Variants in INCENP observed in about 807,000 individuals in gnomAD.
INCENP encodes binds and activates aurora-B and -C in vivo and in vitro.
In INCENP, 43 loss-of-function variants were observed where a neutral mutation model predicts 107.3. The observed-to-expected ratio is 0.40, with a 90% CI of 0.31 to 0.52. The LOEUF is 0.52. Ranked by LOEUF, INCENP falls within the 20% of genes least tolerant of loss-of-function variation. The probability of loss-of-function intolerance (pLI) is 0.53; values close to 1 mark genes in which losing one functional copy is unlikely to be tolerated. For missense variants in INCENP, 1,089 were observed against 1,250.9 expected (o/e 0.87, Z 1.95); for synonymous variants, 488 against 494.4 (o/e 0.99, Z 0.17).
rs1565101321 is a variant in INCENP, at chr11:62,146,707, A to G, written c.2009A>G (p.Glu670Gly). 1 of 1,550,678 alleles carries G rather than the reference A, an allele frequency of 6.4e-7. No homozygotes were observed. The highest frequency in any genetic ancestry group is 8.7e-7 in the Non-Finnish European group (1 of 1,146,834). Residue 670 changes from glutamate to glycine, a missense_variant, in exon 15 of 19, where the codon GAG becomes GGG. Glu to Gly is a moderately conservative substitution (Grantham distance 98, BLOSUM62 -2). Transcript: ENST00000394818. ...HQELLQKKKEEEQERLRKAAE... is the reference protein window; with the variant it reads ...HQELLQKKKEGEQERLRKAAE... ...GAGCTGCTGCAGAAGAAGAAGGAAG[A>G]GGAGCAGGAGCGGCTGCGGAAGGCG...
chr11:62,146,848 G>A lies in INCENP; in HGVS notation c.2150G>A (p.Arg717Gln), dbSNP rs762713303. ...RREQERREQE[R>Q]QLAEQERRRE... ...GAGCAGGAGCGGCGCGAGCAGGAGC[G>A]ACAGCTGGCAGAGCAGGAGCGTCGG... The change falls in exon 15 of 19, where the codon CGA becomes CAA. Residue 717 changes from arginine to glutamine, a missense_variant. Transcript: ENST00000394818. The A allele has an allele frequency of 3.1e-5, 48 of 1,573,044 alleles. 1 individual carries two copies. Among genetic ancestry groups the A allele is most frequent in the Admixed American group, 5.5e-5 (3 of 54,324 alleles).
In INCENP at chr11:62,152,644, C is replaced by T. The variant is rs12793280; in HGVS notation, c.*668C>T. ...CCTGGGTCTTGACACGGCCCTGCCA[C>T]TTAGTCCCCTACCCTCTCCATTCCC... is the stretch of plus-strand genomic sequence containing the variant. On this transcript the variant is annotated 3_prime_UTR_variant, in exon 19 of 19. Coordinates refer to ENST00000394818, the MANE Select transcript of INCENP (RefSeq NM_001040694.2). 6.5e-6 allele frequency: 1 copy of T among 152,926 alleles called. No individual in the cohort carries two copies. The highest frequency in any genetic ancestry group is 1.5e-5 in the Non-Finnish European group (1 of 68,568). 9.5% of individuals were successfully genotyped at this position (152,926 alleles called of 1,614,324 possible).
At chr11:62,128,714 G>T in intron 2 of INCENP, 56 bp from the exon 3 acceptor site, 1 of 1,230,078 alleles carries the variant, frequency 8.1e-7, no homozygotes, top group South Asian at 1.2e-5. Context: ...CTGGGTGGGA[G>T]AGGGGACCAG....
intron 17 of INCENP, 41 bp from the exon 18 acceptor site, chr11:62,150,016 A>G: frequency 6.2e-7 from 1 of 1,601,898 alleles, no homozygotes; most frequent in Non-Finnish European, 8.5e-7. Flanking sequence ...GAGAGATGGG[A>G]ATGCCATGGA....
intron 14 of INCENP, among the ~76,000 whole-genome samples, chr11:62,146,366 G>T (rs11230929): frequency 0.47 from 70,796 of 152,150 alleles, 19,204 homozygotes; most frequent in Middle Eastern, 0.68. Context: ...TATAGACGAG[G>T]AAACAGGCCA....
At chr11:62,144,512 A>C (rs1944194920) in intron 11 of INCENP, among the ~76,000 whole-genome samples, 1 of 152,162 alleles carries the variant, frequency 6.6e-6, no homozygotes, top group African/African-American at 2.4e-5. Flanking sequence ...ATATGTATAC[A>C]TATAGTATGG....
At chr11:62,134,121 G>T (rs1442034726) in intron 4 of INCENP, among the ~76,000 whole-genome samples, 1 of 152,246 alleles carries the variant, frequency 6.6e-6, no homozygotes, top group Admixed American at 6.5e-5. Context: ...CATAAAGCTA[G>T]CAGCTGTGGT....
chr11:62,152,053 C>CA lies in INCENP; in HGVS notation c.*77_*78insA. 1.8e-6 allele frequency: 2 copies of CA among 1,119,204 alleles called. No individual in the cohort carries two copies. Among genetic ancestry groups the CA allele is most frequent in the Non-Finnish European group, 2.6e-6 (2 of 775,804 alleles). The allele number at this position is 1,119,204 out of a possible 1,614,324, so 69.3% of individuals were successfully genotyped here. A position where few individuals can be genotyped will look rare whatever the true frequency, so the allele number is the denominator to read the frequency against. ...TCTGTCTGTCGGTCTCTGTCTTGGT[C>CA]TGTTGCCCTCCTTCTTGGCATGCCA... On this transcript the variant is annotated 3_prime_UTR_variant, in exon 19 of 19. Coordinates refer to ENST00000394818, the MANE Select transcript of INCENP (RefSeq NM_001040694.2).
In INCENP at chr11:62,146,730, G is replaced by A. The variant is rs1359371348; in HGVS notation, c.2032G>A (p.Ala678Thr). 3 of 1,549,996 alleles carry A rather than the reference G, an allele frequency of 1.9e-6. No individual in the cohort carries two copies. Among genetic ancestry groups the A allele is most frequent in the Non-Finnish European group, 2.6e-6 (3 of 1,146,720 alleles). Reference protein sequence around the residue: ...KEEEQERLRKAAEAKRLAEQR... With the variant: ...KEEEQERLRKTAEAKRLAEQR... ...AGAGGAGCAGGAGCGGCTGCGGAAGGCGGCCGAGGCTAAGCGGCTGGCAGA... is the reference window on the plus strand; with the variant it reads ...AGAGGAGCAGGAGCGGCTGCGGAAGACGGCCGAGGCTAAGCGGCTGGCAGA... Residue 678 changes from alanine (A) to threonine (T), a missense_variant, in exon 15 of 19, where the codon GCG (alanine) becomes ACG (threonine). Transcript: ENST00000394818.
intron 4 of INCENP, among the ~76,000 whole-genome samples, chr11:62,133,503 T>G (rs570638418): frequency 1.5e-4 from 23 of 152,266 alleles, no homozygotes; most frequent in African/African-American, 5.5e-4. Context: ...GCCTCAGGAC[T>G]CCACCTTGGG....
chr11:62,130,408 C>G lies in INCENP; in HGVS notation c.881C>G (p.Thr294Arg), dbSNP rs77778825. 2 of 1,613,582 alleles carry G rather than the reference C, an allele frequency of 1.2e-6. No homozygotes were observed. The highest frequency in any genetic ancestry group is 2.2e-5 in the South Asian group (2 of 91,086). The change falls in exon 4 of 19, where the codon ACG becomes AGG. Residue 294 changes from threonine to arginine, a missense_variant. Transcript: ENST00000394818. ...PILPDNFSTP[T>R]GSRTDSQSVR... Reference sequence around the variant, plus strand: ...CTGCCGGATAACTTCTCCACGCCCACGGGCTCTCGCACGGACTCTCAATCG... The same window carrying G: ...CTGCCGGATAACTTCTCCACGCCCAGGGGCTCTCGCACGGACTCTCAATCG...
At position 62,153,016 on chromosome 11, in the gene INCENP, C is replaced by T. The variant is rs1944408364; in HGVS notation, c.*1040C>T. 6.6e-6 allele frequency: 1 copy of T among 152,202 alleles called. No individual in the cohort carries two copies. The highest frequency in any genetic ancestry group is 1.5e-5 in the Non-Finnish European group (1 of 68,046). 9.4% of individuals were successfully genotyped at this position (152,202 alleles called of 1,614,324 possible). The stretch of plus-strand genomic sequence containing the variant: ...CACAAGCAATGGAAATGCCCATTTC[C>T]ATTGTTGTCTCCAGTTGCTCTGCTC... On this transcript the variant is annotated 3_prime_UTR_variant, in exon 19 of 19. Transcript: ENST00000394818.
At chr11:62,141,281 A>T (rs1054601191) in intron 10 of INCENP, among the ~76,000 whole-genome samples, 1 of 152,188 alleles carries the variant, frequency 6.6e-6, no homozygotes, top group African/African-American at 2.4e-5. Context: ...GGCCGGCTCA[A>T]TGTGAGCCCT....
At chr11:62,132,557 G>C (rs1251276320) in intron 4 of INCENP, among the ~76,000 whole-genome samples, 2 of 152,198 alleles carry the variant, frequency 1.3e-5, no homozygotes, top group Admixed American at 6.5e-5. Context: ...CTCAGGCCTG[G>C]ATCTGATCTT....
intron 1 of INCENP, among the ~76,000 whole-genome samples, chr11:62,124,982 C>T (rs919643087): frequency 2.6e-5 from 4 of 152,242 alleles, no homozygotes; most frequent in Non-Finnish European, 4.4e-5. Flanking sequence ...GCCCAACTTA[C>T]AGCACCCTGA....
In INCENP at chr11:62,148,535, TGGA is replaced by T. The variant is rs747914980; in HGVS notation, c.2269_2271del (p.Glu757del). 2.5e-6 allele frequency: 4 copies of T among 1,607,552 alleles called. No individual in the cohort carries two copies. Among genetic ancestry groups the T allele is most frequent in the Non-Finnish European group, 3.4e-6 (4 of 1,178,010 alleles). On this transcript the variant is annotated inframe_deletion, in exon 16 of 19. Transcript: ENST00000394818. ...CAGAAGGAGCAGCTGCAGAGGGAAC[TGGA>T]GGAGAAGAAGAAGAAGGTGAGGGGA... is the stretch of plus-strand genomic sequence containing the variant.
chr11:62,126,208 T>TTTTTC (rs763308344), intron 1 of INCENP, among the ~76,000 whole-genome samples: 19 of 88,806 alleles, frequency 2.1e-4, no homozygotes, highest in Non-Finnish European at 5.9e-4. Context: ...TGGTTTTTTT[T>TTTTTC]TTTTTGAGAT....
At chr11:62,138,374 A>G (rs1247991126) in intron 5 of INCENP, among the ~76,000 whole-genome samples, 3 of 152,222 alleles carry the variant, frequency 2.0e-5, no homozygotes, top group Admixed American at 2.0e-4. Context: ...TGCCAGCCCC[A>G]TGGTGAATAG....
intron 3 of INCENP, 89 bp from the exon 4 acceptor site, chr11:62,129,693 T>A: frequency 9.2e-7 from 1 of 1,083,076 alleles, no homozygotes; most frequent in Non-Finnish European, 1.3e-6. Context: ...TCTCTTATCA[T>A]ACTCTATCCA....
Sources: allele counts gnomAD v4.1 joint callset (sites outside exome capture counted in the v4.1 genomes callset), GRCh38; gene constraint gnomAD v4.1.1; transcripts MANE v1.5; gene names NCBI Gene and HGNC (gene_info 2026-07-23, HGNC 2026-07-21).